The following OR1L8 variants were observed in gnomAD, a reference collection of about 807,000 sequenced individuals.
The protein encoded by OR1L8 is olfactory receptor 1L8.
For synonymous variants in OR1L8, 148 were observed against 147.0 expected (o/e 1.01, Z -0.05); for missense variants, 330 against 377.4 (o/e 0.87, Z 1.04).
At chr9:122,572,185 C>T (rs899696848) in intron 4 of OR1L8, among the ~76,000 whole-genome samples, 2 of 152,088 alleles carry the variant, frequency 1.3e-5, no homozygotes, top group Non-Finnish European at 2.9e-5. Flanking sequence ...ATGAGGGATC[C>T]GTCCCCATGA....
the OR1L8 span, among the ~76,000 whole-genome samples, chr9:122,556,242 T>C: frequency 0.29 from 44,094 of 151,812 alleles, 6,971 homozygotes; most frequent in Non-Finnish European, 0.36. Context: ...TTTCATTGTA[T>C]GCAATATTCA....
the OR1L8 span, among the ~76,000 whole-genome samples, chr9:122,558,519 T>C: frequency 1.3e-5 from 2 of 151,804 alleles, no homozygotes; most frequent in African/African-American, 4.8e-5. Context: ...ACTTCATACT[T>C]TCTGCAGTTA....
At chr9:122,548,263 G>T in the OR1L8 span, among the ~76,000 whole-genome samples, 2 of 152,178 alleles carry the variant, frequency 1.3e-5, no homozygotes, top group Non-Finnish European at 2.9e-5. Flanking sequence ...TTGGGCTGGG[G>T]TAGTTAATTG....
chr9:122,566,496 T>A (rs1050631251), downstream of OR1L8, among the ~76,000 whole-genome samples: 1 of 152,162 alleles, frequency 6.6e-6, no homozygotes, highest in African/African-American at 2.4e-5. Context: ...ATATCTTAAT[T>A]TTCTTACTTA....
the OR1L8 span, among the ~76,000 whole-genome samples, chr9:122,559,900 C>T: frequency 6.6e-6 from 1 of 152,146 alleles, no homozygotes; most frequent in Non-Finnish European, 1.5e-5. Flanking sequence ...TTTTCTGTCT[C>T]ATTGATCAGT....
At chr9:122,573,042 T>G (rs1829581014) in intron 3 of OR1L8, 134 bp from the exon 4 acceptor site, 1 of 152,258 alleles carries the variant, frequency 6.6e-6, no homozygotes, top group Non-Finnish European at 1.5e-5. Flanking sequence ...GCTGCACATC[T>G]CAGAAGGCAG....
chr9:122,554,697 G>A, the OR1L8 span, among the ~76,000 whole-genome samples: 1 of 152,204 alleles, frequency 6.6e-6, no homozygotes, highest in East Asian at 1.9e-4. Flanking sequence ...CAAGGAAGGT[G>A]TGAGTGTACA....
intron 3 of OR1L8, among the ~76,000 whole-genome samples, chr9:122,573,337 G>C (rs2416887): frequency 0.18 from 26,879 of 152,234 alleles, 2,567 homozygotes; most frequent in Middle Eastern, 0.24. Context: ...TGCAATATCC[G>C]AAGGGAATGC....
the OR1L8 span, among the ~76,000 whole-genome samples, chr9:122,555,076 A>C: frequency 1.3e-5 from 2 of 152,180 alleles, no homozygotes; most frequent in Admixed American, 1.3e-4. Flanking sequence ...TTATAGCTAC[A>C]TGTTTTGAAA....
At chr9:122,571,000 C>T (rs1829537106) in intron 4 of OR1L8, among the ~76,000 whole-genome samples, 1 of 152,084 alleles carries the variant, frequency 6.6e-6, no homozygotes, top group Admixed American at 6.5e-5. Flanking sequence ...AAATTTGAAC[C>T]TTAAGCCTCT....
Position 122,568,267 on chromosome 9 carries a change from CAGTG to C in OR1L8, c.207_210del (p.Thr70IlefsTer13). 1 of 1,614,002 alleles carries C rather than the reference CAGTG, an allele frequency of 6.2e-7. No individual in the cohort carries two copies. On this transcript the variant is annotated frameshift_variant, in exon 5 of 5. Coordinates refer to ENST00000641027, the MANE Select transcript of OR1L8 (RefSeq NM_001004454.2). LOFTEE classifies it low-confidence loss of function (END_TRUNC). ...ACAACGCTTGTTGTAAAGCAAATAT[CAGTG>C]AGAGACAGAAAACTCAAGAAGAAAT...
At chr9:122,551,819 T>C in the OR1L8 span, among the ~76,000 whole-genome samples, 1 of 152,124 alleles carries the variant, frequency 6.6e-6, no homozygotes, top group East Asian at 1.9e-4. Context: ...TATTCCTGTC[T>C]TCTTATGCCC....
chr9:122,568,205 C>T lies in OR1L8; in HGVS notation c.273G>A (p.Lys91=), dbSNP rs775107922. Residue 91 remains lysine (K), a synonymous_variant, in exon 5 of 5, where the codon AAG becomes AAA. Transcript: ENST00000641027. Reference sequence around the variant, plus strand: ...TCAGACACCCAGCATAGGAGATGGTCTTCTTTTCTGACAGGAAGTTCATCA... The same window carrying T: ...TCAGACACCCAGCATAGGAGATGGTTTTCTTTTCTGACAGGAAGTTCATCA... ...KMLMNFLSEK[K]TISYAGCLTQ... is the part of the protein sequence containing the mutation. The T allele has an allele frequency of 1.9e-6, 3 of 1,614,160 alleles. No homozygotes were observed. The highest frequency in any genetic ancestry group is 2.7e-5 in the African/African-American group (2 of 75,040).
chr9:122,554,304 AGT>A, the OR1L8 span: 1 of 626,996 alleles, frequency 1.6e-6, no homozygotes, highest in East Asian at 2.8e-5. Context: ...AAAAAAAAAG[AGT>A]GTTTCATTCT....
the OR1L8 span, among the ~76,000 whole-genome samples, chr9:122,552,705 A>G: frequency 2.1e-4 from 32 of 150,960 alleles, no homozygotes; most frequent in African/African-American, 7.1e-4. Flanking sequence ...GGAGGAAGCT[A>G]TCTTGTCTTA....
downstream of OR1L8, among the ~76,000 whole-genome samples, chr9:122,564,287 CTG>C (rs1378890833): frequency 6.6e-6 from 1 of 152,156 alleles, no homozygotes; most frequent in Non-Finnish European, 1.5e-5. Context: ...TCAATTCTAA[CTG>C]TGGTTATGTC....
the OR1L8 span, among the ~76,000 whole-genome samples, chr9:122,559,470 A>G: frequency 1.3e-5 from 2 of 152,200 alleles, no homozygotes; most frequent in South Asian, 4.2e-4. Context: ...TTAGTGCTAT[A>G]AATTTCCCTC....
chr9:122,559,019 C>T, the OR1L8 span, among the ~76,000 whole-genome samples: 6 of 151,932 alleles, frequency 3.9e-5, no homozygotes, highest in African/African-American at 9.7e-5. Flanking sequence ...TTCACATATC[C>T]GTCATCTCAA....
the OR1L8 span, among the ~76,000 whole-genome samples, chr9:122,558,589 A>T: frequency 6.6e-6 from 1 of 151,688 alleles, no homozygotes; most frequent in Non-Finnish European, 1.5e-5. Flanking sequence ...GAACATATTT[A>T]AAATATTTCA....
Sources: gnomAD v4.1 joint callset for allele counts (sites outside exome capture counted in the v4.1 genomes callset) on GRCh38, gnomAD v4.1.1 for gene constraint, MANE v1.5 for transcripts, NCBI Gene and HGNC (gene_info 2026-07-23, HGNC 2026-07-21) for gene names.